Variants in ANO10 observed in about 807,000 individuals in gnomAD.
ANO10 encodes anoctamin-10.
A neutral mutation model predicts 74.7 loss-of-function variants in ANO10; 77 were observed. The observed-to-expected ratio is 1.03, with a 90% CI of 0.86 to 1.25. The LOEUF is 1.25. Ranked by LOEUF, ANO10 falls within the 50% of genes most tolerant of loss-of-function variation. The pLI is 0.00. For missense variants in ANO10, 721 were observed against 778.1 expected (o/e 0.93, Z 0.87); for synonymous variants, 279 against 284.9 (o/e 0.98, Z 0.21).
chr3:43,582,309 G>T (rs979691222), intron 4 of ANO10, among the ~76,000 whole-genome samples: 1 of 151,982 alleles, frequency 6.6e-6, no homozygotes, highest in Non-Finnish European at 1.5e-5. Context: ...AAAATTAGCC[G>T]GGCGTGGTGG....
chr3:43,518,553 C>A (rs985278199), intron 11 of ANO10, among the ~76,000 whole-genome samples: 2 of 152,158 alleles, frequency 1.3e-5, no homozygotes, highest in Admixed American at 1.3e-4. Flanking sequence ...CTGGACAGAA[C>A]AGTCATATTT....
chr3:43,561,432 G>A (rs1575428287), intron 8 of ANO10, 30 bp from the exon 9 acceptor site: 4 of 1,591,092 alleles, frequency 2.5e-6, no homozygotes, highest in Non-Finnish European at 3.4e-6. Context: ...TCACATTTTG[G>A]GAATACAGCT....
intron 11 of ANO10, among the ~76,000 whole-genome samples, chr3:43,537,349 A>C (rs1267363443): frequency 6.6e-6 from 1 of 152,110 alleles, no homozygotes; most frequent in Non-Finnish European, 1.5e-5. Context: ...TATTCCCTCA[A>C]CCTGAGTTCC....
chr3:43,540,697 C>T (rs1449873843), intron 11 of ANO10, among the ~76,000 whole-genome samples: 1 of 152,156 alleles, frequency 6.6e-6, no homozygotes, highest in African/African-American at 2.4e-5. Context: ...CACACCAATG[C>T]CCACTCAGCA....
chr3:43,371,033 CCTT>C (rs915892058), intron 12 of ANO10, among the ~76,000 whole-genome samples: 6 of 152,194 alleles, frequency 3.9e-5, no homozygotes, highest in African/African-American at 1.4e-4. Flanking sequence ...AGCAGAGACT[CCTT>C]CTGGCTGAGC....
At chr3:43,632,076 A>C (rs1250827737) in intron 1 of ANO10, among the ~76,000 whole-genome samples, 1 of 151,512 alleles carries the variant, frequency 6.6e-6, no homozygotes, top group African/African-American at 2.4e-5. Context: ...CTGTCTCAAA[A>C]AAAAAAAAAA....
intron 2 of ANO10, among the ~76,000 whole-genome samples, chr3:43,602,520 G>C (rs1332179946): frequency 2.6e-5 from 4 of 152,126 alleles, no homozygotes; most frequent in Admixed American, 2.6e-4. Context: ...ATTTTTAGTA[G>C]AGATGGGGTT....
At chr3:43,640,240 A>G (rs932916247) in intron 1 of ANO10, among the ~76,000 whole-genome samples, 1 of 152,136 alleles carries the variant, frequency 6.6e-6, no homozygotes, top group Non-Finnish European at 1.5e-5. Flanking sequence ...TAAAAAATAT[A>G]CCCCCAGCTT....
At chr3:43,681,776 C>G (rs1439299827) in intron 1 of ANO10, among the ~76,000 whole-genome samples, 5 of 151,104 alleles carry the variant, frequency 3.3e-5, no homozygotes, top group African/African-American at 9.8e-5. Context: ...TTAAGAAACT[C>G]ACTCAAAACC....
intron 12 of ANO10, among the ~76,000 whole-genome samples, chr3:43,429,731 A>G (rs1484142118): frequency 2.0e-5 from 3 of 152,206 alleles, no homozygotes; most frequent in Non-Finnish European, 4.4e-5. Context: ...ATGCATAAGC[A>G]TAGACAGATC....
intron 12 of ANO10, among the ~76,000 whole-genome samples, chr3:43,418,752 T>C (rs1345997716): frequency 6.6e-6 from 1 of 152,018 alleles, no homozygotes; most frequent in Non-Finnish European, 1.5e-5. Flanking sequence ...TGGCTCAGAG[T>C]CTCTCACAAA....
chr3:43,662,109 C>T (rs1377210646), intron 1 of ANO10, among the ~76,000 whole-genome samples: 1 of 152,182 alleles, frequency 6.6e-6, no homozygotes, highest in Admixed American at 6.5e-5. Flanking sequence ...ATACATTCTT[C>T]TCAGCACTAC....
At chr3:43,462,054 G>A (rs891353435) in intron 11 of ANO10, among the ~76,000 whole-genome samples, 1 of 152,174 alleles carries the variant, frequency 6.6e-6, no homozygotes, top group African/African-American at 2.4e-5. Context: ...GGGAAGTGGA[G>A]CAAAGGTGAC....
At chr3:43,578,528 T>A (rs2081115945) in intron 5 of ANO10, among the ~76,000 whole-genome samples, 1 of 152,062 alleles carries the variant, frequency 6.6e-6, no homozygotes, top group African/African-American at 2.4e-5. Flanking sequence ...GGCGGGCGAA[T>A]CACCTGAGGT....
intron 1 of ANO10, among the ~76,000 whole-genome samples, chr3:43,672,400 G>A (rs574984760): frequency 9.9e-5 from 15 of 152,166 alleles, no homozygotes; most frequent in Non-Finnish European, 1.9e-4. Flanking sequence ...CGGGCCTGGT[G>A]CATGCCTGCT....
At chr3:43,597,006 T>C (rs2082119647) in intron 4 of ANO10, among the ~76,000 whole-genome samples, 1 of 152,028 alleles carries the variant, frequency 6.6e-6, no homozygotes, top group Non-Finnish European at 1.5e-5. Context: ...AACAGACACA[T>C]GAAAAAATGC....
rs141355734 is a variant in ANO10, at chr3:43,603,360, T to C, written c.139+2354A>G. Among the ~76,000 whole-genome samples, 1,294 of 152,296 alleles carry C rather than the reference T, an allele frequency of 8.5e-3. 74 individuals carry two copies. The highest frequency in any genetic ancestry group is 0.075 in the Admixed American group (1,143 of 15,280). ...CTCATGAACTAGTCCTTTAATTTTC[T>C]TATTATTTGTTCTCATATTTTCCAA... On this transcript the variant is annotated intron_variant, in intron 2 of 12. Transcript: ENST00000292246.
intron 12 of ANO10, among the ~76,000 whole-genome samples, chr3:43,387,139 G>A (rs575288465): frequency 6.6e-6 from 1 of 152,318 alleles, no homozygotes; most frequent in East Asian, 1.9e-4. Flanking sequence ...GCTGCATGGT[G>A]TAGCCCACTG....
chr3:43,525,322 A>G (rs2078147710), intron 11 of ANO10, among the ~76,000 whole-genome samples: 1 of 152,040 alleles, frequency 6.6e-6, no homozygotes, highest in Non-Finnish European at 1.5e-5. Flanking sequence ...CTCTCACTTC[A>G]GGCTCCATTT....
Sources: gnomAD v4.1 joint callset for allele counts (sites outside exome capture counted in the v4.1 genomes callset) on GRCh38, gnomAD v4.1.1 for gene constraint, MANE v1.5 for transcripts, NCBI Gene and HGNC (gene_info 2026-07-23, HGNC 2026-07-21) for gene names.